NKAIN3: variants seen among roughly 807,000 people sequenced by gnomAD.
NKAIN3 encodes sodium/potassium-transporting ATPase subunit beta-1-interacting protein 3.
In NKAIN3, 25 loss-of-function variants were observed where a neutral mutation model predicts 30.2. The ratio of observed to expected loss-of-function variants is 0.83; its 90% confidence interval spans 0.60 to 1.16. The LOEUF (loss-of-function observed/expected upper bound fraction) is 1.16, where lower values mean the gene tolerates loss of function less well. Among genes scored for constraint, NKAIN3 ranks in the 50% most tolerant of loss-of-function variants. The pLI is 0.00. For missense variants in NKAIN3, 225 were observed against 254.1 expected (o/e 0.89, Z 0.78); for synonymous variants, 91 against 89.6 (o/e 1.02, Z -0.09).
At chr8:62,568,077 G>A (rs1156710407) in intron 1 of NKAIN3, among the ~76,000 whole-genome samples, 1 of 152,160 alleles carries the variant, frequency 6.6e-6, no homozygotes, top group Non-Finnish European at 1.5e-5. Context: ...AACACTTGAG[G>A]AAGAAATTGC....
chr8:62,453,473 A>G (rs969925656), intron 1 of NKAIN3, among the ~76,000 whole-genome samples: 2 of 152,184 alleles, frequency 1.3e-5, no homozygotes, highest in Non-Finnish European at 2.9e-5. Context: ...GAGGAACTAG[A>G]TAACCAAGAG....
At chr8:62,738,958 C>T (rs372971289) in intron 3 of NKAIN3, among the ~76,000 whole-genome samples, 1 of 152,114 alleles carries the variant, frequency 6.6e-6, no homozygotes, top group East Asian at 1.9e-4. Context: ...AGTTCATGTC[C>T]TTTGCAGGGA....
chr8:62,910,200 G>T (rs948961465), intron 4 of NKAIN3, among the ~76,000 whole-genome samples: 1 of 152,080 alleles, frequency 6.6e-6, no homozygotes, highest in Non-Finnish European at 1.5e-5. Flanking sequence ...TTCAGAAAAT[G>T]CAGTTAAACC....
At chr8:62,379,965 A>C (rs1817217886) in intron 1 of NKAIN3, among the ~76,000 whole-genome samples, 1 of 152,200 alleles carries the variant, frequency 6.6e-6, no homozygotes, top group Non-Finnish European at 1.5e-5. Flanking sequence ...CTGGTATATG[A>C]GTCAAAATAA....
At chr8:62,845,045 C>A (rs1365456780) in intron 4 of NKAIN3, among the ~76,000 whole-genome samples, 1 of 151,338 alleles carries the variant, frequency 6.6e-6, no homozygotes, top group Non-Finnish European at 1.5e-5. Context: ...TGTATGCAAC[C>A]GTAAATCATC....
chr8:62,498,021 T>C (rs1019153092), intron 1 of NKAIN3, among the ~76,000 whole-genome samples: 1 of 152,162 alleles, frequency 6.6e-6, no homozygotes, highest in Non-Finnish European at 1.5e-5. Flanking sequence ...ATGTCATATG[T>C]GCTCATGTGT....
chr8:62,623,069 G>A (rs1811668981), intron 3 of NKAIN3, among the ~76,000 whole-genome samples: 1 of 151,832 alleles, frequency 6.6e-6, no homozygotes, highest in Admixed American at 6.6e-5. Context: ...ATGACGCCAG[G>A]AGAAAAGAGG....
intron 1 of NKAIN3, among the ~76,000 whole-genome samples, chr8:62,528,318 T>TATTATATAATATATATA (rs1554543355): frequency 2.7e-4 from 24 of 88,896 alleles, no homozygotes; most frequent in Middle Eastern, 5.0e-3. Context: ...TATATATATA[T>TATTATATAATATATATA]TATATAATAT....
intron 1 of NKAIN3, among the ~76,000 whole-genome samples, chr8:62,302,297 A>G (rs1450445598): frequency 6.6e-6 from 1 of 152,012 alleles, no homozygotes; most frequent in African/African-American, 2.4e-5. Context: ...AAGAAAAGAC[A>G]TTCTTTCTTC....
At chr8:62,651,928 T>C (rs1812632309) in intron 3 of NKAIN3, among the ~76,000 whole-genome samples, 1 of 152,160 alleles carries the variant, frequency 6.6e-6, no homozygotes, top group Non-Finnish European at 1.5e-5. Context: ...CACCAGAAGC[T>C]AAGCAGATGC....
chr8:62,832,688 TAAAAC>T (rs1342211387), intron 4 of NKAIN3, among the ~76,000 whole-genome samples: 3 of 151,990 alleles, frequency 2.0e-5, no homozygotes, highest in Non-Finnish European at 4.4e-5. Context: ...CCCAGATACA[TAAAAC>T]AAGTACTTCT....
At chr8:62,290,643 A>T (rs1813572777) in intron 1 of NKAIN3, among the ~76,000 whole-genome samples, 1 of 152,164 alleles carries the variant, frequency 6.6e-6, no homozygotes, top group South Asian at 2.1e-4. Flanking sequence ...TCAGTTTGCC[A>T]GTATTTTATT....
Position 62,971,180 on chromosome 8 carries a change from A to G in NKAIN3, c.*5773A>G, listed in dbSNP as rs2353363. ...TGTATTCTGGCCTTGGAGGTGGAGA[A>G]GGAACAAAAGGAATGTTTCTTTCCT... On this transcript the variant is annotated 3_prime_UTR_variant, in exon 7 of 7. Transcript: ENST00000623646. Among the ~76,000 whole-genome samples the G allele has an allele frequency of 0.099, 15,005 of 152,222 alleles. 799 individuals carry two copies. The highest frequency in any genetic ancestry group is 0.15 in the African/African-American group (6,246 of 41,534).
At chr8:62,415,141 ATGTATTAT>A (rs1362558361) in intron 1 of NKAIN3, among the ~76,000 whole-genome samples, 4 of 141,804 alleles carry the variant, frequency 2.8e-5, no homozygotes, top group East Asian at 3.9e-4. Context: ...TATAGTATAT[ATGTATTAT>A]ATACTATAGT....
intron 1 of NKAIN3, among the ~76,000 whole-genome samples, chr8:62,561,787 T>C (rs536821374): frequency 9.2e-5 from 14 of 152,294 alleles, no homozygotes; most frequent in African/African-American, 3.4e-4. Flanking sequence ...TGGAAATAGA[T>C]TTGTAAAAAC....
At chr8:62,689,872 T>G (rs1222257499) in intron 3 of NKAIN3, among the ~76,000 whole-genome samples, 1 of 151,860 alleles carries the variant, frequency 6.6e-6, no homozygotes, top group Non-Finnish European at 1.5e-5. Context: ...TGAGAAAAAT[T>G]ACATCATATC....
At chr8:62,902,527 T>C (rs1290391397) in intron 4 of NKAIN3, among the ~76,000 whole-genome samples, 1 of 152,122 alleles carries the variant, frequency 6.6e-6, no homozygotes, top group Non-Finnish European at 1.5e-5. Flanking sequence ...TAAGTCCCCA[T>C]AGCCACAAAG....
chr8:62,660,871 C>G (rs1812923529), intron 3 of NKAIN3, among the ~76,000 whole-genome samples: 1 of 152,224 alleles, frequency 6.6e-6, no homozygotes, highest in African/African-American at 2.4e-5. Flanking sequence ...GCAACTCGAA[C>G]CCATTCAGCC....
intron 5 of NKAIN3, among the ~76,000 whole-genome samples, chr8:62,943,783 A>ATATTTT (rs999085176): frequency 2.0e-4 from 29 of 148,068 alleles, no homozygotes; most frequent in African/African-American, 6.4e-4. Flanking sequence ...ATGGTATAAT[A>ATATTTT]TATTTTTATT....
Sources: allele counts gnomAD v4.1 joint callset (sites outside exome capture counted in the v4.1 genomes callset), GRCh38; gene constraint gnomAD v4.1.1; transcripts MANE v1.5; gene names NCBI Gene and HGNC (gene_info 2026-07-23, HGNC 2026-07-21).